The following PCCA variants were observed in gnomAD, a reference collection of about 807,000 sequenced individuals.
PCCA encodes the protein propionyl-CoA carboxylase alpha chain, mitochondrial.
Under a neutral mutation model 101.3 loss-of-function variants are expected in PCCA, and 74 were observed. That is an observed-to-expected ratio of 0.73 (90% CI 0.61 to 0.89). The LOEUF is 0.89. PCCA is among the 40% of genes least tolerant of loss of function. PCCA has a pLI of 0.00. For synonymous variants in PCCA, 294 were observed against 313.6 expected, an observed-to-expected ratio of 0.94 and a Z score of 0.66; for missense variants, 891 against 907.0, an observed-to-expected ratio of 0.98 and a Z score of 0.23.
chr13:100,321,093 C>A (rs2152715776), intron 16 of PCCA, among the ~76,000 whole-genome samples: 1 of 152,294 alleles, frequency 6.6e-6, no homozygotes, highest in Non-Finnish European at 1.5e-5. Context: ...TCTCATCTTT[C>A]TGTTTTCCTT....
intron 22 of PCCA, among the ~76,000 whole-genome samples, chr13:100,520,492 G>A (rs969793364): frequency 3.3e-5 from 5 of 151,938 alleles, no homozygotes; most frequent in Non-Finnish European, 2.9e-5. Flanking sequence ...AAAATTAGCC[G>A]GGCGCAGTGG....
At chr13:100,259,403 T>G (rs2062310780) in intron 9 of PCCA, among the ~76,000 whole-genome samples, 1 of 146,834 alleles carries the variant, frequency 6.8e-6, no homozygotes, top group African/African-American at 2.5e-5. Flanking sequence ...AGCACGATCT[T>G]GGCTCACTGC....
At chr13:100,407,103 T>G (rs943436048) in intron 19 of PCCA, among the ~76,000 whole-genome samples, 6 of 152,244 alleles carry the variant, frequency 3.9e-5, no homozygotes, top group Non-Finnish European at 7.3e-5. Context: ...TACAATAACT[T>G]AACATAACAA....
chr13:100,268,906 G>A (rs2063122213), intron 11 of PCCA, 123 bp downstream of exon 11: 2 of 778,566 alleles, frequency 2.6e-6, no homozygotes, highest in South Asian at 1.5e-5. Context: ...TGCCCAGGCA[G>A]TGGTGCAATC....
chr13:100,310,332 C>T (rs2066812857), intron 16 of PCCA, among the ~76,000 whole-genome samples: 1 of 152,106 alleles, frequency 6.6e-6, no homozygotes, highest in Non-Finnish European at 1.5e-5. Context: ...TCCTGGAAGA[C>T]ATTAAAGTAT....
intron 16 of PCCA, among the ~76,000 whole-genome samples, chr13:100,328,622 A>C (rs575371237): frequency 1.3e-4 from 20 of 151,120 alleles, no homozygotes; most frequent in African/African-American, 4.3e-4. Context: ...GTAGTTATGA[A>C]AATAGGTTTG....
At chr13:100,393,270 TG>T (rs2076892768) in intron 19 of PCCA, among the ~76,000 whole-genome samples, 1 of 152,192 alleles carries the variant, frequency 6.6e-6, no homozygotes, top group Non-Finnish European at 1.5e-5. Flanking sequence ...ATTATCCTGT[TG>T]GGATAATATC....
At chr13:100,154,331 G>A (rs1355299847) in intron 4 of PCCA, among the ~76,000 whole-genome samples, 2 of 152,126 alleles carry the variant, frequency 1.3e-5, no homozygotes, top group African/African-American at 2.4e-5. Context: ...TAAAAATGGA[G>A]CATACATTCC....
rs142134673 is a variant in PCCA at position 100,209,289 on chromosome 13, C to T, written c.469-43C>T. On this transcript the variant is annotated intron_variant, in intron 6 of 23. Transcript: ENST00000376285. ...AAAATTGTGACTCCACATCATGCTC[C>T]GTAATGTTCTTGTTATAAATTTTGA... 2.2e-3 allele frequency: 3,448 copies of T among 1,586,084 alleles called. 78 individuals carry two copies. In the South Asian group the frequency reaches 0.029, roughly 13 times the overall value.
chr13:100,325,766 AC>A lies in PCCA; in HGVS notation c.1430-4792del, dbSNP rs545565095. On this transcript the variant is annotated intron_variant, in intron 16 of 23. Coordinates refer to ENST00000376285, the MANE Select transcript of PCCA (RefSeq NM_000282.4). Reference sequence around the variant, plus strand: ...CAACAAGAAGGCTTGGACAATGAGAACCCTTTTTCTGGATTGACTCCATTGA... The same window carrying A: ...CAACAAGAAGGCTTGGACAATGAGAACCTTTTTCTGGATTGACTCCATTGA... Among the ~76,000 whole-genome samples, 48 of 152,174 alleles carry A rather than the reference AC, an allele frequency of 3.2e-4. No homozygotes were observed. In the East Asian group the frequency reaches 9.3e-3, roughly 29 times the overall value.
intron 8 of PCCA, among the ~76,000 whole-genome samples, chr13:100,242,686 A>G (rs938238210): frequency 6.6e-6 from 1 of 152,222 alleles, no homozygotes; most frequent in African/African-American, 2.4e-5. Flanking sequence ...AACAGGAGCA[A>G]TATCTCATAA....
chr13:100,456,683 G>A (rs2152935289), intron 21 of PCCA, among the ~76,000 whole-genome samples: 1 of 152,246 alleles, frequency 6.6e-6, no homozygotes, highest in African/African-American at 2.4e-5. Flanking sequence ...ATACGTCAGC[G>A]TTTTCTTCTA....
intron 5 of PCCA, among the ~76,000 whole-genome samples, chr13:100,156,339 A>G (rs1309120630): frequency 1.3e-5 from 2 of 152,180 alleles, no homozygotes; most frequent in Non-Finnish European, 2.9e-5. Context: ...AACTGCTGGG[A>G]TTACAGGCAG....
intron 16 of PCCA, among the ~76,000 whole-genome samples, chr13:100,316,580 AAAT>A (rs1160483096): frequency 1.3e-5 from 2 of 152,158 alleles, no homozygotes; most frequent in African/African-American, 4.8e-5. Context: ...GGGCATCAGA[AAAT>A]AATCTCTTTT....
At chr13:100,400,380 A>T (rs934208258) in intron 19 of PCCA, among the ~76,000 whole-genome samples, 1 of 152,140 alleles carries the variant, frequency 6.6e-6, no homozygotes, top group Admixed American at 6.5e-5. Flanking sequence ...AGTGAGAACT[A>T]CATCACCTGA....
intron 4 of PCCA, among the ~76,000 whole-genome samples, chr13:100,123,483 A>C (rs1222986806): frequency 6.6e-6 from 1 of 152,246 alleles, no homozygotes; most frequent in African/African-American, 2.4e-5. Context: ...TCGTAGAAGC[A>C]ATGGAAATGA....
chr13:100,402,238 AGTTTTTTGTTTTTT>A (rs540701035), intron 19 of PCCA, among the ~76,000 whole-genome samples: 2 of 151,924 alleles, frequency 1.3e-5, no homozygotes, highest in Non-Finnish European at 2.9e-5. Flanking sequence ...TATGTTGAAG[AGTTTTTTGTTTTTT>A]GTTTTTTGTT....
intron 21 of PCCA, among the ~76,000 whole-genome samples, chr13:100,494,870 CT>C (rs1485202452): frequency 2.0e-5 from 3 of 152,086 alleles, no homozygotes; most frequent in African/African-American, 4.8e-5. Flanking sequence ...TCCTATACCC[CT>C]ATTTGATTTA....
intron 21 of PCCA, among the ~76,000 whole-genome samples, chr13:100,468,089 A>C (rs918932750): frequency 2.0e-5 from 3 of 152,216 alleles, no homozygotes; most frequent in Non-Finnish European, 2.9e-5. Context: ...CTCCCAGGTA[A>C]CAAGGTGCAT....
Sources: gnomAD v4.1 joint callset for allele counts (sites outside exome capture counted in the v4.1 genomes callset) on GRCh38, gnomAD v4.1.1 for gene constraint, MANE v1.5 for transcripts, NCBI Gene and HGNC (gene_info 2026-07-23, HGNC 2026-07-21) for gene names.